NTRK3: variants seen among roughly 807,000 people sequenced by gnomAD.
NTRK3 encodes the protein NT-3 growth factor receptor.
Under a neutral mutation model 91.7 loss-of-function variants are expected in NTRK3, and 24 were observed. The ratio of observed to expected loss-of-function variants is 0.26; its 90% CI spans 0.19 to 0.37. The LOEUF (loss-of-function observed/expected upper bound fraction) is 0.37, where lower values mean the gene tolerates loss of function less well. Among genes scored for constraint, NTRK3 ranks in the 10% least tolerant of loss-of-function variants. The pLI is 1.00. For synonymous variants in NTRK3, 483 were observed against 404.0 expected (o/e 1.20, Z -2.34); for missense variants, 880 against 1,068.9 (o/e 0.82, Z 2.46).
At chr15:88,007,734 G>A (rs1342473505) in intron 14 of NTRK3, among the ~76,000 whole-genome samples, 1 of 152,198 alleles carries the variant, frequency 6.6e-6, no homozygotes, top group Non-Finnish European at 1.5e-5. Context: ...TCACTGGGCA[G>A]AGGAATCTGA....
chr15:87,953,420 G>A (rs1182483794), intron 14 of NTRK3, among the ~76,000 whole-genome samples: 10 of 152,176 alleles, frequency 6.6e-5, no homozygotes, highest in Non-Finnish European at 1.5e-5. Context: ...CAGAAACTGA[G>A]TCACATAGAG....
At chr15:88,198,533 A>T (rs183268357) in intron 3 of NTRK3, among the ~76,000 whole-genome samples, 4 of 152,276 alleles carry the variant, frequency 2.6e-5, no homozygotes, top group African/African-American at 9.6e-5. Flanking sequence ...ATTCCTGAGA[A>T]ATTTTTCTAG....
intron 3 of NTRK3, among the ~76,000 whole-genome samples, chr15:88,226,670 G>A (rs12909249): frequency 0.028 from 4,335 of 152,332 alleles, 87 homozygotes; most frequent in Middle Eastern, 0.048. Flanking sequence ...TATGGCTGAT[G>A]CAAATCTCCA....
chr15:88,156,741 C>T (rs1225080871), intron 5 of NTRK3, among the ~76,000 whole-genome samples: 1 of 152,200 alleles, frequency 6.6e-6, no homozygotes, highest in African/African-American at 2.4e-5. Flanking sequence ...AGACTGCTGG[C>T]CTGGAGTGAC....
At chr15:88,137,421 A>T (rs1233854063) in exon 7 of NTRK3, 1 of 1,613,874 alleles carries the variant, frequency 6.2e-7, no homozygotes, top group East Asian at 2.2e-5. Context: ...ACTGATGTTC[A>T]TGCGGAAGAG....
At position 88,130,812 on chromosome 15, in the gene NTRK3, T is replaced by C. The variant is rs546456762; in HGVS notation, c.1205-2078A>G. 3.9e-5 allele frequency among the ~76,000 whole-genome samples: 6 copies of C among 152,272 alleles called. No individual in the cohort carries two copies. The East Asian group carries it at 1.2e-3, about 29-fold the overall frequency. On this transcript the variant is annotated intron_variant, in intron 10 of 18. Transcript: ENST00000394480. ...CTCAACGCAGTGTGTAATTCTGAAT[T>C]GGATCCTAGACAAGGAAAAAGCATC...
intron 17 of NTRK3, among the ~76,000 whole-genome samples, chr15:87,917,301 G>A (rs1414431888): frequency 6.6e-6 from 1 of 152,196 alleles, no homozygotes; most frequent in African/African-American, 2.4e-5. Flanking sequence ...TCCCACAGCT[G>A]AAAGGAATAA....
intron 13 of NTRK3, among the ~76,000 whole-genome samples, chr15:88,067,683 G>T (rs1310709163): frequency 6.6e-6 from 1 of 152,178 alleles, no homozygotes; most frequent in Non-Finnish European, 1.5e-5. Context: ...TTTGAAGGAA[G>T]GTGGGGAGAA....
intron 3 of NTRK3, among the ~76,000 whole-genome samples, chr15:88,251,582 G>A (rs1357522497): frequency 6.6e-6 from 1 of 152,274 alleles, no homozygotes; most frequent in African/African-American, 2.4e-5. Context: ...TGGGGACCCA[G>A]GCCACAGTGG....
intron 3 of NTRK3, among the ~76,000 whole-genome samples, chr15:88,188,574 T>C (rs1239806658): frequency 6.6e-6 from 1 of 152,242 alleles, no homozygotes; most frequent in Non-Finnish European, 1.5e-5. Flanking sequence ...AAGAGTCTCA[T>C]GGCTTAAAAC....
intron 17 of NTRK3, among the ~76,000 whole-genome samples, chr15:87,892,353 A>G (rs576908814): frequency 1.3e-5 from 2 of 152,248 alleles, no homozygotes; most frequent in Admixed American, 6.5e-5. Flanking sequence ...GATTGAAAGT[A>G]ATTTTTGATA....
chr15:87,906,907 A>G (rs540612107), intron 17 of NTRK3, among the ~76,000 whole-genome samples: 1 of 152,258 alleles, frequency 6.6e-6, no homozygotes, highest in Admixed American at 6.5e-5. Flanking sequence ...CAGTAAGGGC[A>G]GCGATTTTTG....
At chr15:88,200,153 C>A (rs1180653234) in intron 3 of NTRK3, among the ~76,000 whole-genome samples, 9 of 152,218 alleles carry the variant, frequency 5.9e-5, no homozygotes, top group African/African-American at 1.9e-4. Context: ...TGTCCCCCTG[C>A]ATTCACCACA....
intron 17 of NTRK3, among the ~76,000 whole-genome samples, chr15:87,897,471 A>G (rs1436930190): frequency 2.6e-5 from 4 of 152,152 alleles, no homozygotes; most frequent in Non-Finnish European, 5.9e-5. Context: ...GGCTGCACTA[A>G]TATCTTCTAG....
chr15:88,144,363 G>C (rs1182578362), intron 6 of NTRK3, among the ~76,000 whole-genome samples: 1 of 152,168 alleles, frequency 6.6e-6, no homozygotes, highest in Non-Finnish European at 1.5e-5. Context: ...GCTTGGCCAA[G>C]ACCATCTCCC....
chr15:88,223,205 C>T (rs1302928028), intron 3 of NTRK3, among the ~76,000 whole-genome samples: 1 of 152,256 alleles, frequency 6.6e-6, no homozygotes, highest in African/African-American at 2.4e-5. Context: ...TGACTGCTTC[C>T]AAATCAGCCG....
exon 19 of NTRK3, chr15:87,863,186 G>T (rs903371750): frequency 8.7e-6 from 2 of 228,778 alleles, no homozygotes; most frequent in Non-Finnish European, 1.7e-5. Flanking sequence ...TTTGTTAGGA[G>T]GTCAAGAATG....
chr15:88,052,208 A>G (rs1029032659), intron 13 of NTRK3, among the ~76,000 whole-genome samples: 10 of 152,236 alleles, frequency 6.6e-5, no homozygotes, highest in African/African-American at 2.4e-4. Context: ...AGCTCCAAGA[A>G]TAGGACAGGA....
At chr15:88,020,902 G>A (rs1429208089) in intron 14 of NTRK3, among the ~76,000 whole-genome samples, 2 of 152,266 alleles carry the variant, frequency 1.3e-5, no homozygotes, top group Non-Finnish European at 1.5e-5. Flanking sequence ...AAGATGTTTT[G>A]ACCTTCCCAA....
Sources: gnomAD v4.1 joint callset for allele counts (sites outside exome capture counted in the v4.1 genomes callset) on GRCh38, gnomAD v4.1.1 for gene constraint, MANE v1.5 for transcripts, NCBI Gene and HGNC (gene_info 2026-07-23, HGNC 2026-07-21) for gene names.